Variants in PGPEP1L observed in about 807,000 individuals in gnomAD.
PGPEP1L encodes the protein pyroglutamyl-peptidase 1-like protein.
A neutral mutation model predicts 6.0 loss-of-function variants in PGPEP1L; 7 were observed. That is an observed-to-expected ratio of 1.17 (90% CI 0.66 to 2.19). The LOEUF (loss-of-function observed/expected upper bound fraction) is 2.19, where lower values mean the gene tolerates loss of function less well. Among genes scored for constraint, PGPEP1L ranks in the 30% most tolerant of loss-of-function variants. The pLI is 0.00. For synonymous variants in PGPEP1L, 103 were observed against 83.9 expected, an observed-to-expected ratio of 1.23 and a Z score of -1.24; for missense variants, 209 against 192.5, an observed-to-expected ratio of 1.09 and a Z score of -0.51.
intron 2 of PGPEP1L, among the ~76,000 whole-genome samples, chr15:98,988,019 G>T (rs1351144255): frequency 6.6e-6 from 1 of 152,240 alleles, no homozygotes; most frequent in Non-Finnish European, 1.5e-5. Flanking sequence ...CCGGTGCCTA[G>T]GCCACCAGGG....
At chr15:98,971,631 A>G (rs374790738) in intron 2 of PGPEP1L, among the ~76,000 whole-genome samples, 15 of 152,366 alleles carry the variant, frequency 9.8e-5, no homozygotes, top group African/African-American at 3.6e-4. Flanking sequence ...GAGGAAATCA[A>G]TGCCAGACCT....
intron 2 of PGPEP1L, among the ~76,000 whole-genome samples, chr15:98,983,536 G>T (rs1344760773): frequency 3.3e-5 from 5 of 152,140 alleles, no homozygotes; most frequent in African/African-American, 1.2e-4. Context: ...GACTCACCAG[G>T]CTGAGGCACT....
chr15:98,973,913 A>G (rs2017532093), intron 2 of PGPEP1L, among the ~76,000 whole-genome samples: 1 of 152,234 alleles, frequency 6.6e-6, no homozygotes, highest in Admixed American at 6.5e-5. Flanking sequence ...TGATATGAAT[A>G]GGTGGTTTTG....
intron 2 of PGPEP1L, among the ~76,000 whole-genome samples, chr15:98,977,060 T>C (rs1007615449): frequency 6.7e-6 from 1 of 150,034 alleles, no homozygotes; most frequent in African/African-American, 2.5e-5. Context: ...AGTTTGAGTA[T>C]GGAACCAGGC....
At chr15:98,991,747 T>G (rs1173746955) in intron 2 of PGPEP1L, among the ~76,000 whole-genome samples, 4 of 152,212 alleles carry the variant, frequency 2.6e-5, no homozygotes, top group Non-Finnish European at 5.9e-5. Flanking sequence ...ATCAAAAAGC[T>G]TATCTACTAC....
chr15:98,973,753 TAGAA>T (rs1336789755), intron 2 of PGPEP1L, among the ~76,000 whole-genome samples: 1 of 152,086 alleles, frequency 6.6e-6, no homozygotes, highest in Non-Finnish European at 1.5e-5. Flanking sequence ...ATCAAAAAGA[TAGAA>T]AGACTTCAAA....
chr15:98,985,750 C>T (rs2017738476), intron 2 of PGPEP1L, among the ~76,000 whole-genome samples: 1 of 152,232 alleles, frequency 6.6e-6, no homozygotes, highest in South Asian at 2.1e-4. Context: ...CTGAGCACCC[C>T]TTTCCTCATC....
At position 99,003,856 on chromosome 15, in the gene PGPEP1L, T is replaced by C. The variant is rs1425645161; in HGVS notation, c.-142+1573A>G. Among the ~76,000 whole-genome samples, 17 of 147,826 alleles carry C rather than the reference T, an allele frequency of 1.2e-4. 1 individual carries two copies. In the East Asian group the frequency reaches 2.3e-3, roughly 20 times the overall value. ...TATTTCATTCATGACAAGCATTGCA[T>C]GCATTAGAGTACAGTTTCCTTAGGA... is the stretch of plus-strand genomic sequence containing the variant. On this transcript the variant is annotated intron_variant, in intron 2 of 4. Coordinates refer to ENST00000535714, the MANE Select transcript of PGPEP1L (RefSeq NM_001167902.2).
Position 98,981,947 on chromosome 15 carries a change from G to A in PGPEP1L, c.-141-10789C>T, listed in dbSNP as rs561097235. On this transcript the variant is annotated intron_variant, in intron 2 of 4. Transcript: ENST00000535714. ...CATGTAGGAAGTAGGGGGACCCACA[G>A]TAACATCCGGGAAAAATGTGGGGGT... Among the ~76,000 whole-genome samples the A allele has an allele frequency of 5.9e-5, 9 of 152,318 alleles. No homozygotes were observed. In the East Asian group the frequency reaches 9.6e-4, roughly 16 times the overall value.
In PGPEP1L at chr15:98,969,550, C is replaced by A. The variant is rs1468250147; in HGVS notation, c.84G>T (p.Trp28Cys). ...CAGGTAGGCACACGCCGCCCTCGGG[C>A]CAGAAGCTGCGGATGTCGGCGTCCC... is the stretch of plus-strand genomic sequence containing the variant. ...GYRDADIRSF[W>C]PEGGVCLPGS... Residue 28 changes from tryptophan to cysteine, a missense_variant, in exon 4 of 5, where the codon TGG becomes TGT. Physicochemically the swap from Trp to Cys is radical, Grantham distance 215. Coordinates refer to ENST00000535714, the MANE Select transcript of PGPEP1L (RefSeq NM_001167902.2). 1 of 1,614,028 alleles carries A rather than the reference C, an allele frequency of 6.2e-7. No homozygotes were observed. The highest frequency in any genetic ancestry group is 2.2e-5 in the East Asian group (1 of 44,894).
At chr15:98,981,489 C>CAAAAAA (rs769918543) in intron 2 of PGPEP1L, among the ~76,000 whole-genome samples, 9 of 82,066 alleles carry the variant, frequency 1.1e-4, no homozygotes, top group Non-Finnish European at 1.5e-4. Flanking sequence ...GACTCCGTCT[C>CAAAAAA]AAAAAAAAAA....
chr15:98,982,742 G>C (rs1483208519), intron 2 of PGPEP1L, among the ~76,000 whole-genome samples: 1 of 92,196 alleles, frequency 1.1e-5, no homozygotes, highest in Non-Finnish European at 2.2e-5. Flanking sequence ...ACAGAGTCTT[G>C]CTCTGTTGCC....
At chr15:99,004,380 G>A (rs2018017968) in intron 2 of PGPEP1L, among the ~76,000 whole-genome samples, 1 of 150,582 alleles carries the variant, frequency 6.6e-6, no homozygotes, top group Admixed American at 6.6e-5. Flanking sequence ...CTGCACTCCA[G>A]TCTGGACAAC....
At chr15:98,970,676 G>T (rs1445346756) in intron 3 of PGPEP1L, among the ~76,000 whole-genome samples, 1 of 152,176 alleles carries the variant, frequency 6.6e-6, no homozygotes, top group Non-Finnish European at 1.5e-5. Flanking sequence ...GGGCACAGAG[G>T]TCCTTGCCTC....
intron 2 of PGPEP1L, among the ~76,000 whole-genome samples, chr15:98,974,017 T>G (rs1434081579): frequency 6.6e-6 from 1 of 152,184 alleles, no homozygotes; most frequent in African/African-American, 2.4e-5. Flanking sequence ...GACATTAAAA[T>G]CGATACCCCA....
intron 2 of PGPEP1L, among the ~76,000 whole-genome samples, chr15:98,994,316 T>C (rs1458700774): frequency 6.6e-6 from 1 of 151,916 alleles, no homozygotes; most frequent in African/African-American, 2.4e-5. Flanking sequence ...TATAAAAGCT[T>C]TCATTGTCTT....
intron 2 of PGPEP1L, among the ~76,000 whole-genome samples, chr15:98,999,910 C>G (rs560547936): frequency 3.3e-5 from 5 of 152,384 alleles, no homozygotes; most frequent in Non-Finnish European, 4.4e-5. Flanking sequence ...CCCTTGCGCA[C>G]TCTCAGCCCC....
intron 2 of PGPEP1L, among the ~76,000 whole-genome samples, chr15:98,976,543 TGAGGTGTCCTGAAG>T (rs1047522609): frequency 6.6e-6 from 1 of 152,242 alleles, no homozygotes; most frequent in Non-Finnish European, 1.5e-5. Context: ...TCTCAGGACT[TGAGGTGTCCTGAAG>T]AGAAATCATT....
At chr15:98,979,381 T>G (rs1352954286) in intron 2 of PGPEP1L, among the ~76,000 whole-genome samples, 1 of 151,330 alleles carries the variant, frequency 6.6e-6, no homozygotes, top group Non-Finnish European at 1.5e-5. Context: ...TAAAATATGG[T>G]AGGCGATGAG....
Sources: allele counts gnomAD v4.1 joint callset (sites outside exome capture counted in the v4.1 genomes callset), GRCh38; gene constraint gnomAD v4.1.1; transcripts MANE v1.5; gene names NCBI Gene and HGNC (gene_info 2026-07-23, HGNC 2026-07-21).